Variants in HMCN1 observed in about 807,000 individuals in gnomAD.
The protein encoded by HMCN1 is hemicentin 1.
A neutral mutation model predicts 625.9 loss-of-function variants in HMCN1; 321 were observed. That is an observed-to-expected ratio of 0.51 (90% CI 0.47 to 0.56). HMCN1 has a LOEUF of 0.56. Among genes scored for constraint, HMCN1 ranks in the 20% least tolerant of loss-of-function variants. The pLI, the probability that HMCN1 is intolerant of heterozygous loss-of-function variation, is 0.00. For synonymous variants in HMCN1, 2,425 were observed against 2,417.6 expected (o/e 1.00, Z -0.09); for missense variants, 6,588 against 6,887.3 (o/e 0.96, Z 1.54).
intron 103 of HMCN1, among the ~76,000 whole-genome samples, chr1:186,175,205 A>C (rs1435072759): frequency 3.9e-5 from 6 of 152,226 alleles, no homozygotes; most frequent in Non-Finnish European, 7.3e-5. Flanking sequence ...CAAATAGAAA[A>C]TATCTGTAAG....
At chr1:185,838,227 T>C (rs887631186) in intron 1 of HMCN1, among the ~76,000 whole-genome samples, 4 of 152,140 alleles carry the variant, frequency 2.6e-5, no homozygotes, top group African/African-American at 9.7e-5. Flanking sequence ...ATCCCCTCTT[T>C]CCATGGGCCA....
intron 4 of HMCN1, among the ~76,000 whole-genome samples, chr1:185,891,510 T>C (rs1227183423): frequency 6.8e-6 from 1 of 147,960 alleles, no homozygotes; most frequent in East Asian, 1.9e-4. Context: ...GGCCTGGTCG[T>C]GACAAAATCT....
At chr1:186,174,082 G>C (rs578242120) in intron 102 of HMCN1, among the ~76,000 whole-genome samples, 1 of 152,296 alleles carries the variant, frequency 6.6e-6, no homozygotes, top group East Asian at 1.9e-4. Flanking sequence ...TAAGGTTAAG[G>C]CATTGAGGGT....
chr1:185,995,259 A>G (rs1164256250), intron 24 of HMCN1, among the ~76,000 whole-genome samples, 172 bp downstream of exon 24: 1 of 152,134 alleles, frequency 6.6e-6, no homozygotes. Flanking sequence ...GAAACATACC[A>G]TTTCTAAACC....
chr1:185,782,963 C>T (rs1657250123), intron 1 of HMCN1, among the ~76,000 whole-genome samples: 3 of 152,140 alleles, frequency 2.0e-5, no homozygotes, highest in Non-Finnish European at 4.4e-5. Flanking sequence ...TTCCATTCTC[C>T]CCATTGCTTT....
intron 4 of HMCN1, among the ~76,000 whole-genome samples, chr1:185,888,007 G>A (rs1664781831): frequency 7.1e-6 from 1 of 140,312 alleles, no homozygotes; most frequent in Non-Finnish European, 1.5e-5. Flanking sequence ...ATTCTAACTG[G>A]TGTGAGATGG....
chr1:185,907,923 T>C (rs1666186347), intron 4 of HMCN1, among the ~76,000 whole-genome samples: 1 of 148,762 alleles, frequency 6.7e-6, no homozygotes, highest in African/African-American at 2.6e-5. Flanking sequence ...ACCAATTTCA[T>C]TGACATTAGT....
chr1:185,894,802 T>C (rs1328804607), intron 4 of HMCN1, among the ~76,000 whole-genome samples: 6 of 152,218 alleles, frequency 3.9e-5, no homozygotes, highest in African/African-American at 1.4e-4. Context: ...AGAAGACAAG[T>C]ACTTTAGATT....
At chr1:186,149,265 T>C (rs1444894572) in intron 93 of HMCN1, among the ~76,000 whole-genome samples, 2 of 152,258 alleles carry the variant, frequency 1.3e-5, no homozygotes, top group Non-Finnish European at 2.9e-5. Flanking sequence ...TTTGTCTACA[T>C]TGAAAATCTG....
At chr1:186,086,444 C>T (rs1186848441) in intron 58 of HMCN1, 37 bp downstream of exon 58, 1 of 1,596,640 alleles carries the variant, frequency 6.3e-7, no homozygotes, top group East Asian at 2.2e-5. Context: ...GCAAAATTTT[C>T]TCATCTTTAT....
chr1:186,088,372 C>T (rs1659649534), intron 62 of HMCN1, 96 bp downstream of exon 62: 6 of 1,577,988 alleles, frequency 3.8e-6, no homozygotes, highest in Admixed American at 1.7e-5. Flanking sequence ...GTACCATGCT[C>T]ATAGGGGTGT....
chr1:185,955,558 T>A (rs1048732450), intron 11 of HMCN1, among the ~76,000 whole-genome samples: 1 of 152,134 alleles, frequency 6.6e-6, no homozygotes, highest in Admixed American at 6.5e-5. Flanking sequence ...GTAGACAAGT[T>A]GTCAGATTAA....
At position 186,000,130 on chromosome 1, in the gene HMCN1, C is replaced by T. The variant is rs1445899083; in HGVS notation, c.3960C>T (p.Gly1320=). The part of the protein sequence containing the change: ...REPGISILED[G]TLLVIASVTP... ...CTGGCATTTCTATCTTGGAAGATGG[C>T]ACATTGCTGGTTATTGCTTCTGTTA... Residue 1320 remains glycine (G), a synonymous_variant, in exon 26 of 107, where the codon GGC becomes GGT. Transcript: ENST00000271588. 1 of 1,612,784 alleles carries T rather than the reference C, an allele frequency of 6.2e-7. No individual in the cohort carries two copies.
chr1:185,903,351 C>T (rs1665922858), intron 4 of HMCN1, among the ~76,000 whole-genome samples: 1 of 151,744 alleles, frequency 6.6e-6, no homozygotes, highest in South Asian at 2.1e-4. Flanking sequence ...CTAGAGTCCC[C>T]ACTGAGCCCA....
rs140061598 is a variant in HMCN1, at chr1:185,987,474, T to C, written c.2978T>C (p.Ile993Thr). ...CATGGGCAGCAGATACTCAGTACAA[T>C]TGAAGGCATTCCAGTAACTTTACCA... ...IQHGQQILST[I>T]EGIPVTLPCK... is the part of the protein sequence containing the mutation. Residue 993 changes from isoleucine to threonine, a missense_variant, in exon 20 of 107, where the codon ATT becomes ACT. Physicochemically the swap from Ile to Thr is moderately conservative, Grantham distance 89. Coordinates refer to ENST00000271588, the MANE Select transcript of HMCN1 (RefSeq NM_031935.3). 1.7e-4 allele frequency: 281 copies of C among 1,613,988 alleles called. No homozygotes were observed. The African/African-American group carries it at 3.1e-3, about 18-fold the overall frequency.
intron 1 of HMCN1, among the ~76,000 whole-genome samples, chr1:185,790,691 A>G (rs1657927272): frequency 6.6e-6 from 1 of 152,186 alleles, no homozygotes; most frequent in Non-Finnish European, 1.5e-5. Flanking sequence ...GATGTTTGGC[A>G]TCCCTGGCCT....
chr1:185,796,478 C>T (rs940144117), intron 1 of HMCN1, among the ~76,000 whole-genome samples: 6 of 152,206 alleles, frequency 3.9e-5, no homozygotes, highest in Non-Finnish European at 8.8e-5. Flanking sequence ...TCCCTATGTC[C>T]ATGCGTACAC....
At chr1:185,853,680 C>G (rs369548399) in intron 2 of HMCN1, among the ~76,000 whole-genome samples, 3 of 152,244 alleles carry the variant, frequency 2.0e-5, no homozygotes, top group Admixed American at 6.5e-5. Context: ...TTTAGGTACC[C>G]TATCCAGAAG....
chr1:186,073,738 A>T (rs1465240693), intron 52 of HMCN1, among the ~76,000 whole-genome samples: 1 of 151,914 alleles, frequency 6.6e-6, no homozygotes, highest in East Asian at 1.9e-4. Context: ...GAGGAGACTG[A>T]GTGGCAGTGA....
Sources: gnomAD v4.1 joint callset for allele counts (sites outside exome capture counted in the v4.1 genomes callset) on GRCh38, gnomAD v4.1.1 for gene constraint, MANE v1.5 for transcripts, NCBI Gene and HGNC (gene_info 2026-07-23, HGNC 2026-07-21) for gene names.